Variants in CMIP observed in about 807,000 individuals in gnomAD.
The protein encoded by CMIP is c-Maf inducing protein.
Under a neutral mutation model 97.3 loss-of-function variants are expected in CMIP, and 13 were observed. That is an observed-to-expected ratio of 0.13 (90% confidence interval 0.09 to 0.21). The LOEUF (loss-of-function observed/expected upper bound fraction) is 0.21. Among genes scored for constraint, CMIP ranks in the 10% least tolerant of loss-of-function variants. The pLI is 1.00. For missense variants in CMIP, 847 were observed against 1,024.9 expected (o/e 0.83, Z 2.37); for synonymous variants, 538 against 436.3 (o/e 1.23, Z -2.91).
At chr16:81,449,972 T>A (rs1317539675) in intron 1 of CMIP, among the ~76,000 whole-genome samples, 1 of 152,262 alleles carries the variant, frequency 6.6e-6, no homozygotes, top group Non-Finnish European at 1.5e-5. Flanking sequence ...TGCATGTGGC[T>A]GAGCTTTCCT....
chr16:81,615,480 T>C (rs1189108948), intron 2 of CMIP, among the ~76,000 whole-genome samples: 1 of 148,940 alleles, frequency 6.7e-6, no homozygotes, highest in African/African-American at 2.5e-5. Flanking sequence ...TATTTGTGTG[T>C]GTGGTGTGTG....
At chr16:81,560,376 T>G (rs2090858243) in intron 1 of CMIP, among the ~76,000 whole-genome samples, 1 of 151,952 alleles carries the variant, frequency 6.6e-6, no homozygotes, top group South Asian at 2.1e-4. Context: ...CCGCCACTAT[T>G]CCTGGCTCAT....
At position 81,525,591 on chromosome 16, in the gene CMIP, C is replaced by T. The variant is rs534337457; in HGVS notation, c.300+80050C>T. 1.2e-3 allele frequency among the ~76,000 whole-genome samples: 179 copies of T among 152,210 alleles called. 1 individual carries two copies. The highest frequency in any genetic ancestry group is 2.4e-3 in the Admixed American group (37 of 15,296). ...CTCCTGGGCTCAAATGGTTCTCCTC[C>T]GTCAGCCTCTCAAGTAGCTGGGAGT... is the stretch of plus-strand genomic sequence containing the variant. On this transcript the variant is annotated intron_variant, in intron 1 of 20. Transcript: ENST00000537098.
chr16:81,588,472 C>T (rs547708035), intron 1 of CMIP, among the ~76,000 whole-genome samples: 30 of 152,298 alleles, frequency 2.0e-4, no homozygotes, highest in East Asian at 7.7e-4. Flanking sequence ...ACCTCGTTTA[C>T]GGGCAGGGTG....
At chr16:81,482,838 C>G (rs948105738) in intron 1 of CMIP, among the ~76,000 whole-genome samples, 2 of 152,244 alleles carry the variant, frequency 1.3e-5, no homozygotes, top group Non-Finnish European at 2.9e-5. Flanking sequence ...GAGATAGGGC[C>G]TGACTCACAG....
chr16:81,579,840 C>T (rs191462261), intron 1 of CMIP, among the ~76,000 whole-genome samples: 189 of 152,314 alleles, frequency 1.2e-3, no homozygotes, highest in African/African-American at 4.5e-3. Context: ...CCTGTAGTCC[C>T]AGTTACTCGG....
chr16:81,702,200 TCTC>T (rs1389123136), intron 16 of CMIP, among the ~76,000 whole-genome samples: 4 of 152,124 alleles, frequency 2.6e-5, no homozygotes, highest in Non-Finnish European at 5.9e-5. Context: ...TGCCTTCTGA[TCTC>T]CTGGAGCAGC....
chr16:81,710,135 A>T lies in CMIP; in HGVS notation c.*336A>T, dbSNP rs1908600270. 1 of 327,484 alleles carries T rather than the reference A, an allele frequency of 3.1e-6. No homozygotes were observed. The highest frequency in any genetic ancestry group is 2.1e-5 in the African/African-American group (1 of 47,468). The allele number at this position is 327,484 out of a possible 1,614,324, so 20.3% of individuals were successfully genotyped here. A position where few individuals can be genotyped will look rare whatever the true frequency, so the allele number is the denominator to read the frequency against. Reference sequence around the variant, plus strand: ...TGGATTTTCTTTGCCTTTGTGTTTGATGCCGTCGTGTGGGAAAAGTCAACT... The same window carrying T: ...TGGATTTTCTTTGCCTTTGTGTTTGTTGCCGTCGTGTGGGAAAAGTCAACT... On this transcript the variant is annotated 3_prime_UTR_variant, in exon 21 of 21. Transcript: ENST00000537098.
chr16:81,628,054 G>A (rs1250824946), intron 3 of CMIP, among the ~76,000 whole-genome samples: 2 of 152,134 alleles, frequency 1.3e-5, no homozygotes, highest in Non-Finnish European at 2.9e-5. Context: ...GAATGACACA[G>A]AGCCCTTGAG....
intron 10 of CMIP, 86 bp downstream of exon 10, chr16:81,678,714 C>G (rs1010040687): frequency 8.6e-5 from 57 of 660,704 alleles, no homozygotes; most frequent in Middle Eastern, 4.0e-4. Context: ...TTTGTTGGTT[C>G]GAGCTACGCA....
chr16:81,473,699 G>A (rs1420578228), intron 1 of CMIP, among the ~76,000 whole-genome samples: 1 of 151,942 alleles, frequency 6.6e-6, no homozygotes, highest in Non-Finnish European at 1.5e-5. Context: ...TAGGACTTGG[G>A]CCTGCCTTTG....
chr16:81,539,077 A>C (rs1157398649), intron 1 of CMIP, among the ~76,000 whole-genome samples: 2 of 152,140 alleles, frequency 1.3e-5, no homozygotes, highest in Non-Finnish European at 2.9e-5. Flanking sequence ...ATTACCCTGA[A>C]TTCAGGCAGC....
chr16:81,573,423 C>G (rs1003073737), intron 1 of CMIP, among the ~76,000 whole-genome samples: 1 of 151,964 alleles, frequency 6.6e-6, no homozygotes, highest in African/African-American at 2.4e-5. Context: ...GTGTGGGAAC[C>G]CTTTTAATAA....
At chr16:81,459,628 C>T (rs550970715) in intron 1 of CMIP, among the ~76,000 whole-genome samples, 2 of 152,088 alleles carry the variant, frequency 1.3e-5, no homozygotes, top group South Asian at 2.1e-4. Flanking sequence ...ATTTTCTAAA[C>T]GATATTGCCC....
intron 14 of CMIP, among the ~76,000 whole-genome samples, chr16:81,698,416 CT>C (rs1383568553): frequency 2.0e-5 from 3 of 152,188 alleles, no homozygotes; most frequent in African/African-American, 7.2e-5. Flanking sequence ...CGCAGGCAGT[CT>C]CCCAAAACAC....
chr16:81,450,507 A>G (rs1037174106), intron 1 of CMIP, among the ~76,000 whole-genome samples: 12 of 152,178 alleles, frequency 7.9e-5, no homozygotes, highest in Admixed American at 7.2e-4. Context: ...ACCTACTAGT[A>G]TAGTCAGCAT....
At chr16:81,463,156 T>C (rs1344837753) in intron 1 of CMIP, among the ~76,000 whole-genome samples, 7 of 152,278 alleles carry the variant, frequency 4.6e-5, no homozygotes, top group African/African-American at 1.7e-4. Context: ...TCAGCAATGG[T>C]AAGCAAGCAC....
chr16:81,530,668 G>A (rs770566147), intron 1 of CMIP, among the ~76,000 whole-genome samples: 1 of 152,098 alleles, frequency 6.6e-6, no homozygotes, highest in Non-Finnish European at 1.5e-5. Context: ...TCCCTTAGCT[G>A]GGTGCCCGCG....
chr16:81,685,810 C>T (rs1213506574), intron 10 of CMIP, among the ~76,000 whole-genome samples: 2 of 151,950 alleles, frequency 1.3e-5, no homozygotes, highest in African/African-American at 2.4e-5. Context: ...GCAATCCTCC[C>T]GCCTCAGCCT....
Sources: allele counts gnomAD v4.1 joint callset (sites outside exome capture counted in the v4.1 genomes callset), GRCh38; gene constraint gnomAD v4.1.1; transcripts MANE v1.5; gene names NCBI Gene and HGNC (gene_info 2026-07-23, HGNC 2026-07-21).